The following CHST9 variants were observed in gnomAD, a reference collection of about 807,000 sequenced individuals.
The protein encoded by CHST9 is GalNAc-4-sulfotransferase 2.
In CHST9, 41 loss-of-function variants were observed where a neutral mutation model predicts 44.4. The observed-to-expected ratio is 0.92, with a 90% CI of 0.72 to 1.20. The LOEUF is 1.20. Among genes scored for constraint, CHST9 ranks in the 50% most tolerant of loss-of-function variants. The pLI, the probability that CHST9 is intolerant of heterozygous loss-of-function variation, is 0.00. For missense variants in CHST9, 504 were observed against 516.5 expected (o/e 0.98, Z 0.23); for synonymous variants, 171 against 178.4 (o/e 0.96, Z 0.33).
At chr18:26,954,032 A>G (rs921685668) in intron 4 of CHST9, among the ~76,000 whole-genome samples, 1 of 152,150 alleles carries the variant, frequency 6.6e-6, no homozygotes, top group African/African-American at 2.4e-5. Context: ...GAGTAATTTC[A>G]TATTCCAGAA....
chr18:27,144,953 C>T (rs2143877180), intron 1 of CHST9, among the ~76,000 whole-genome samples: 1 of 152,046 alleles, frequency 6.6e-6, no homozygotes, highest in African/African-American at 2.4e-5. Context: ...CAATGTACTC[C>T]ACCCTGGGCA....
At chr18:27,121,939 C>T (rs981215689) in intron 2 of CHST9, among the ~76,000 whole-genome samples, 6 of 152,132 alleles carry the variant, frequency 3.9e-5, no homozygotes, top group Non-Finnish European at 7.4e-5. Flanking sequence ...CTGTACAGTA[C>T]ATTTGGATAT....
chr18:26,966,129 T>C (rs2056461219), intron 4 of CHST9, among the ~76,000 whole-genome samples: 2 of 152,240 alleles, frequency 1.3e-5, no homozygotes, highest in South Asian at 4.1e-4. Flanking sequence ...ATAGACTCAA[T>C]TGATCATTTA....
Position 26,913,652 on chromosome 18 carries a change from G to A in CHST9, c.*2607C>T, listed in dbSNP as rs1303885436. The stretch of plus-strand genomic sequence containing the variant: ...ATAATTGCACCTAATGTTAAAATGG[G>A]AACTTTGGACATCTGGAAGATGAGT... On this transcript the variant is annotated 3_prime_UTR_variant, in exon 6 of 6. Coordinates refer to ENST00000618847, the MANE Select transcript of CHST9 (RefSeq NM_031422.6). 6.6e-6 allele frequency: 1 copy of A among 152,204 alleles called. No individual in the cohort carries two copies. Among genetic ancestry groups the A allele is most frequent in the African/African-American group, 2.4e-5 (1 of 41,452 alleles). 9.4% of individuals were successfully genotyped at this position (152,204 alleles called of 1,614,324 possible). A position where few individuals can be genotyped will look rare whatever the true frequency, so the allele number is the denominator to read the frequency against.
chr18:26,966,130 T>A (rs557592140), intron 4 of CHST9, among the ~76,000 whole-genome samples: 8 of 152,352 alleles, frequency 5.3e-5, no homozygotes, highest in African/African-American at 1.7e-4. Context: ...TAGACTCAAT[T>A]GATCATTTAG....
At chr18:26,982,147 C>G (rs1249138985) in intron 4 of CHST9, among the ~76,000 whole-genome samples, 8 of 152,212 alleles carry the variant, frequency 5.3e-5, no homozygotes, top group Non-Finnish European at 8.8e-5. Context: ...AGGCTGAATT[C>G]TGAGTCCCTC....
chr18:27,128,589 G>A (rs1419594213), intron 2 of CHST9, among the ~76,000 whole-genome samples: 2 of 152,134 alleles, frequency 1.3e-5, no homozygotes, highest in Non-Finnish European at 2.9e-5. Context: ...AGTGAATCCA[G>A]GAACAGTAAA....
At chr18:27,048,904 G>T (rs1428236996) in intron 2 of CHST9, among the ~76,000 whole-genome samples, 1 of 152,096 alleles carries the variant, frequency 6.6e-6, no homozygotes, top group East Asian at 1.9e-4. Context: ...CTCAAATAGT[G>T]TAGAATGTTT....
At chr18:27,179,380 G>A (rs1386823565) in intron 1 of CHST9, among the ~76,000 whole-genome samples, 1 of 145,664 alleles carries the variant, frequency 6.9e-6, no homozygotes, top group Non-Finnish European at 1.5e-5. Flanking sequence ...GAACAAATGG[G>A]ATGGTCCTAC....
intron 1 of CHST9, among the ~76,000 whole-genome samples, chr18:27,178,190 G>A (rs1192767399): frequency 2.0e-5 from 3 of 151,886 alleles, no homozygotes; most frequent in South Asian, 2.1e-4. Context: ...CCTCTTTGTC[G>A]GAAAAGCTGC....
At chr18:26,999,435 G>T (rs927144679) in intron 4 of CHST9, among the ~76,000 whole-genome samples, 1 of 152,124 alleles carries the variant, frequency 6.6e-6, no homozygotes, top group South Asian at 2.1e-4. Flanking sequence ...AAAGTACATA[G>T]CATCACTGAT....
At chr18:27,182,888 G>T (rs2058924314) in intron 1 of CHST9, among the ~76,000 whole-genome samples, 2 of 152,152 alleles carry the variant, frequency 1.3e-5, no homozygotes, top group Non-Finnish European at 2.9e-5. Context: ...TAGGTTTACT[G>T]AATTTGGAAT....
rs979625213 is a variant in CHST9, at chr18:26,907,751, G to C, written c.*8508C>G. ...AATAGTGGGTTTGATGCAGCTATCAGGTGATTAAGCTGGGAATGGGTTATA... is the reference window on the plus strand; with the variant it reads ...AATAGTGGGTTTGATGCAGCTATCACGTGATTAAGCTGGGAATGGGTTATA... On this transcript the variant is annotated 3_prime_UTR_variant, in exon 6 of 6. Coordinates refer to ENST00000618847, the MANE Select transcript of CHST9 (RefSeq NM_031422.6). 3 of 153,374 alleles carry C rather than the reference G, an allele frequency of 2.0e-5. No individual in the cohort carries two copies. Among genetic ancestry groups the C allele is most frequent in the African/African-American group, 7.2e-5 (3 of 41,496 alleles). The allele number at this position is 153,374 out of a possible 1,614,324, so 9.5% of individuals were successfully genotyped here.
intron 2 of CHST9, among the ~76,000 whole-genome samples, chr18:27,104,929 T>A (rs2058207726): frequency 6.6e-6 from 1 of 152,126 alleles, no homozygotes; most frequent in Admixed American, 6.5e-5. Flanking sequence ...ACTAAAGACA[T>A]AGTTGTTAAA....
intron 2 of CHST9, among the ~76,000 whole-genome samples, chr18:27,113,878 G>C (rs1327892159): frequency 2.0e-5 from 3 of 152,238 alleles, no homozygotes; most frequent in East Asian, 3.9e-4. Flanking sequence ...TAGCTAATGA[G>C]CTATATCAAA....
intron 4 of CHST9, among the ~76,000 whole-genome samples, chr18:26,951,603 T>C (rs2056249327): frequency 6.6e-6 from 1 of 152,190 alleles, no homozygotes; most frequent in South Asian, 2.1e-4. Flanking sequence ...ACTTCTTTTC[T>C]AGGTATCTCA....
chr18:27,102,965 A>C (rs547874703), intron 2 of CHST9, among the ~76,000 whole-genome samples: 1 of 152,286 alleles, frequency 6.6e-6, no homozygotes, highest in East Asian at 1.9e-4. Flanking sequence ...TTTGTTTGTC[A>C]TTGACAAAGA....
chr18:27,151,062 T>C lies in CHST9; in HGVS notation c.-96-8157A>G, dbSNP rs142336580. Among the ~76,000 whole-genome samples the C allele has an allele frequency of 3.2e-3, 488 of 152,290 alleles. 4 individuals are homozygous for C. The highest frequency in any genetic ancestry group is 0.011 in the African/African-American group (475 of 41,566). On this transcript the variant is annotated intron_variant, in intron 1 of 5. Transcript: ENST00000618847. The stretch of plus-strand genomic sequence containing the variant: ...GGGAAAGAAACTGAGATGGTACTCA[T>C]ATAAGTCTTTGTAAAATGTGTAACA...
chr18:27,160,047 T>G lies in CHST9; in HGVS notation c.-96-17142A>C, dbSNP rs1442421256. Among the ~76,000 whole-genome samples the G allele has an allele frequency of 2.0e-5, 3 of 152,258 alleles. No homozygotes were observed. The South Asian group carries it at 6.2e-4, about 32-fold the overall frequency. On this transcript the variant is annotated intron_variant, in intron 1 of 5. Transcript: ENST00000618847. ...GGTTTTCTAGGTATACAATCATGTC[T>G]TCCGCAAACAGGGACAATTTGACTT...
Sources: allele counts gnomAD v4.1 joint callset (sites outside exome capture counted in the v4.1 genomes callset), GRCh38; gene constraint gnomAD v4.1.1; transcripts MANE v1.5; gene names NCBI Gene and HGNC (gene_info 2026-07-23, HGNC 2026-07-21).